Variants in PCYT1B observed in about 807,000 individuals in gnomAD.
PCYT1B encodes the protein choline-phosphate cytidylyltransferase B.
In PCYT1B, 10 loss-of-function variants were observed where a neutral mutation model predicts 26.4. The observed-to-expected ratio is 0.38, with a 90% CI of 0.23 to 0.64. The LOEUF (loss-of-function observed/expected upper bound fraction) is 0.64. Ranked by LOEUF, PCYT1B falls within the 30% of genes least tolerant of loss-of-function variation. The pLI is 0.56. For missense variants in PCYT1B, 161 were observed against 292.7 expected, an observed-to-expected ratio of 0.55 and a Z score of 3.28; for synonymous variants, 131 against 108.4, an observed-to-expected ratio of 1.21 and a Z score of -1.29.
chrX:24,659,865 C>G (rs1354808881), intron 1 of PCYT1B, among the ~76,000 whole-genome samples: 1 of 111,914 alleles, frequency 8.9e-6, no homozygotes, highest in South Asian at 3.7e-4. Flanking sequence ...ACCTAATCAC[C>G]TATTATTAGA....
rs5944540 is a variant in PCYT1B at position 24,570,367 on chromosome X, C to T, written c.897+4763G>A. On this transcript the variant is annotated intron_variant, in intron 7 of 7. Transcript: ENST00000379144. ...CTCCCGGGTTCAAGTGATTCTCCTG[C>T]CTCAGCCTCCCGAGTAGCTGGGATT... Among the ~76,000 whole-genome samples, 116 of 107,584 alleles carry T rather than the reference C, an allele frequency of 1.1e-3. 1 individual carries two copies. The highest frequency in any genetic ancestry group is 3.7e-3 in the African/African-American group (111 of 29,629). 93.4% of individuals were successfully genotyped at this position (107,584 alleles called of 115,157 possible).
intron 5 of PCYT1B, among the ~76,000 whole-genome samples, chrX:24,584,774 C>T (rs1361804815): frequency 8.9e-6 from 1 of 111,956 alleles, no homozygotes; most frequent in Non-Finnish European, 1.9e-5. Flanking sequence ...ACTGAGAACT[C>T]GATGACTTCA....
At position 24,559,902 on chromosome X, in the gene PCYT1B, G is replaced by A. The variant is rs1010854255; in HGVS notation, c.*2391C>T. The A allele has an allele frequency of 1.8e-5, 2 of 111,702 alleles. No homozygotes were observed. The highest frequency in any genetic ancestry group is 3.8e-4 in the South Asian group (1 of 2,645). The allele number at this position is 111,702 out of a possible 1,213,427, so 9.2% of individuals were successfully genotyped here. A position where few individuals can be genotyped will look rare whatever the true frequency, so the allele number is the denominator to read the frequency against. The stretch of plus-strand genomic sequence containing the variant: ...ATTTGCAGCCTCAAGAGGGTGGAAC[G>A]GGGGGACTCACTGCAGGTTAGGAGG... On this transcript the variant is annotated 3_prime_UTR_variant, in exon 8 of 8. Transcript: ENST00000379144.
At chrX:24,631,073 C>T (rs1211434275) in intron 1 of PCYT1B, among the ~76,000 whole-genome samples, 1 of 111,536 alleles carries the variant, frequency 9.0e-6, no homozygotes, top group Non-Finnish European at 1.9e-5. Context: ...CAGGTGCCCG[C>T]CACCATGCCC....
At chrX:24,596,396 A>G (rs1243794855) in intron 3 of PCYT1B, among the ~76,000 whole-genome samples, 1 of 110,937 alleles carries the variant, frequency 9.0e-6, no homozygotes, top group Non-Finnish European at 1.9e-5. Flanking sequence ...GTTCGAGACC[A>G]TCCTGGCCAA....
intron 2 of PCYT1B, 46 bp from the exon 3 acceptor site, chrX:24,607,907 A>C: frequency 3.6e-5 from 25 of 693,502 alleles, no homozygotes; most frequent in Non-Finnish European, 5.2e-5. Flanking sequence ...AGAATGAGGA[A>C]TCCCAGTTAC....
At chrX:24,607,697 G>T in intron 3 of PCYT1B, 48 bp downstream of exon 3, 1 of 663,211 alleles carries the variant, frequency 1.5e-6, no homozygotes, top group Non-Finnish European at 2.4e-6. Context: ...TTTTCAGAAA[G>T]CATACAATAA....
chrX:24,584,359 A>G (rs896383239), intron 5 of PCYT1B, among the ~76,000 whole-genome samples: 1 of 112,037 alleles, frequency 8.9e-6, no homozygotes, highest in African/African-American at 3.2e-5. Context: ...AAGTAAATAA[A>G]TAAATATTAA....
chrX:24,587,220 G>A, intron 5 of PCYT1B, 21 bp downstream of exon 5: 1 of 1,102,009 alleles, frequency 9.1e-7, no homozygotes. Flanking sequence ...GTTGACAGGT[G>A]AGCACAGGGG....
At chrX:24,593,441 C>CTTTTCTTTTCTTTTCT (rs1555958090) in intron 3 of PCYT1B, among the ~76,000 whole-genome samples, 13 of 56,754 alleles carry the variant, frequency 2.3e-4, no homozygotes, top group South Asian at 1.1e-3. Flanking sequence ...TCCTTTCTTT[C>CTTTTCTTTTCTTTTCT]TTTCTTTTCT....
chrX:24,654,096 CTTTCTTTTTT>C (rs1251982595), intron 1 of PCYT1B, among the ~76,000 whole-genome samples: 2 of 30,447 alleles, frequency 6.6e-5, no homozygotes, highest in Admixed American at 5.4e-4. Flanking sequence ...TTCTTTCTTT[CTTTCTTTTTT>C]TTTTTTTTTT....
chrX:24,590,728 C>T (rs1707678869), intron 3 of PCYT1B, among the ~76,000 whole-genome samples: 5 of 106,547 alleles, frequency 4.7e-5, no homozygotes, highest in Admixed American at 4.1e-4. Flanking sequence ...GTCACTCAAT[C>T]AAGAGAAGAA....
Position 24,559,441 on chromosome X carries a change from A to AAGAGAGAG in PCYT1B, c.*2844_*2851dup, listed in dbSNP as rs1555953538. On this transcript the variant is annotated 3_prime_UTR_variant, in exon 8 of 8. Coordinates refer to ENST00000379144, the MANE Select transcript of PCYT1B (RefSeq NM_004845.5). ...AAAAGAGAAAGAAGAAAGAAAAAGA[A>AAGAGAGAG]AGAGAGAGAGAGAGAAAGAAAGAGA... 3.1e-5 allele frequency: 3 copies of AAGAGAGAG among 97,677 alleles called. No individual in the cohort carries two copies. The highest frequency in any genetic ancestry group is 1.1e-4 in the African/African-American group (3 of 26,777). The allele number at this position is 97,677 out of a possible 1,213,427, so 8.0% of individuals were successfully genotyped here.
At chrX:24,630,591 A>G (rs960228878) in intron 1 of PCYT1B, among the ~76,000 whole-genome samples, 2 of 112,335 alleles carry the variant, frequency 1.8e-5, no homozygotes, top group African/African-American at 3.2e-5. Context: ...CACCACGCCC[A>G]GTCAAAATAT....
At chrX:24,571,501 A>G in intron 7 of PCYT1B, among the ~76,000 whole-genome samples, 1 of 13,997 alleles carries the variant, frequency 7.1e-5, no homozygotes, top group Middle Eastern at 0.022. Flanking sequence ...CTTATTTACT[A>G]TCATCATCAT....
At chrX:24,637,491 A>AAAAAAAAAATATAT in intron 1 of PCYT1B, among the ~76,000 whole-genome samples, 1 of 52,894 alleles carries the variant, frequency 1.9e-5, no homozygotes, top group African/African-American at 1.5e-4. Context: ...AAAAAAAAAA[A>AAAAAAAAAATATAT]ATATATATAT....
intron 5 of PCYT1B, among the ~76,000 whole-genome samples, chrX:24,583,533 T>C (rs1339363591): frequency 8.9e-6 from 1 of 112,396 alleles, no homozygotes; most frequent in African/African-American, 3.2e-5. Flanking sequence ...GTCACTTTCT[T>C]ATGCAACAAT....
At chrX:24,637,370 G>C (rs1193516944) in intron 1 of PCYT1B, among the ~76,000 whole-genome samples, 7 of 103,151 alleles carry the variant, frequency 6.8e-5, no homozygotes, top group Non-Finnish European at 1.4e-4. Context: ...GGCCGGGCAC[G>C]GTGGCTCACG....
In PCYT1B at chrX:24,558,617, G is replaced by A. The variant is rs1923251850; in HGVS notation, c.*3676C>T. The A allele has an allele frequency of 9.5e-6, 1 of 105,127 alleles. No individual in the cohort carries two copies. The highest frequency in any genetic ancestry group is 1.9e-5 in the Non-Finnish European group (1 of 51,485). 8.7% of individuals were successfully genotyped at this position (105,127 alleles called of 1,213,427 possible). A position where few individuals can be genotyped will look rare whatever the true frequency, so the allele number is the denominator to read the frequency against. On this transcript the variant is annotated 3_prime_UTR_variant, in exon 8 of 8. Coordinates refer to ENST00000379144, the MANE Select transcript of PCYT1B (RefSeq NM_004845.5). ...TGCTCTTCCTGTCCCTCCCTCAGGGGGTGAAATAACAGTATCTAGTAGCCT... is the reference window on the plus strand; with the variant it reads ...TGCTCTTCCTGTCCCTCCCTCAGGGAGTGAAATAACAGTATCTAGTAGCCT...
Sources: gnomAD v4.1 joint callset for allele counts (sites outside exome capture counted in the v4.1 genomes callset) on GRCh38, gnomAD v4.1.1 for gene constraint, MANE v1.5 for transcripts, NCBI Gene and HGNC (gene_info 2026-07-23, HGNC 2026-07-21) for gene names.